Variants in GRIN2B observed in about 807,000 individuals in gnomAD.
GRIN2B encodes the protein glutamate ionotropic receptor NMDA type subunit 2B.
A neutral mutation model predicts 114.5 loss-of-function variants in GRIN2B; 5 were observed. The ratio of observed to expected loss-of-function variants is 0.04; its 90% CI spans 0.02 to 0.09. GRIN2B has a LOEUF of 0.09. Among genes scored for constraint, GRIN2B ranks in the 10% least tolerant of loss-of-function variants. The pLI is 1.00. For synonymous variants in GRIN2B, 787 were observed against 745.1 expected, an observed-to-expected ratio of 1.06 and a Z score of -0.92; for missense variants, 1,108 against 1,943.5, an observed-to-expected ratio of 0.57 and a Z score of 8.08.
At chr12:13,707,087 T>TA (rs113392351) in intron 4 of GRIN2B, among the ~76,000 whole-genome samples, 11,778 of 152,128 alleles carry the variant, frequency 0.077, 485 homozygotes, top group African/African-American at 0.099. Flanking sequence ...GCATGAATGG[T>TA]AAAAAACACA....
intron 4 of GRIN2B, among the ~76,000 whole-genome samples, chr12:13,725,869 C>T (rs1862975841): frequency 6.6e-6 from 1 of 152,070 alleles, no homozygotes; most frequent in Non-Finnish European, 1.5e-5. Context: ...GAGGTGAGCG[C>T]ATGGGGTTAA....
intron 2 of GRIN2B, among the ~76,000 whole-genome samples, chr12:13,915,974 T>C (rs1866711549): frequency 1.3e-5 from 2 of 152,068 alleles, no homozygotes; most frequent in Admixed American, 1.3e-4. Context: ...CTTGGTTCAC[T>C]GTATTTGGGG....
chr12:13,716,839 T>A (rs1950459832), intron 4 of GRIN2B, among the ~76,000 whole-genome samples: 1 of 151,926 alleles, frequency 6.6e-6, no homozygotes, highest in Non-Finnish European at 1.5e-5. Context: ...TCTTTGTGAC[T>A]GAGAAAGTCC....
chr12:13,819,747 C>T (rs567242088), intron 3 of GRIN2B, among the ~76,000 whole-genome samples: 2 of 152,254 alleles, frequency 1.3e-5, no homozygotes, highest in East Asian at 1.9e-4. Context: ...CACATTAGTT[C>T]ATATTTTAAT....
At chr12:13,936,476 G>C (rs772529529) in intron 2 of GRIN2B, among the ~76,000 whole-genome samples, 1 of 152,154 alleles carries the variant, frequency 6.6e-6, no homozygotes, top group Non-Finnish European at 1.5e-5. Flanking sequence ...TACCAAGTTA[G>C]AGGGACTTGG....
At chr12:13,870,760 A>G (rs1348374179) in intron 2 of GRIN2B, among the ~76,000 whole-genome samples, 1 of 152,246 alleles carries the variant, frequency 6.6e-6, no homozygotes, top group African/African-American at 2.4e-5. Flanking sequence ...AGATGCCAGA[A>G]CTATGTATCA....
chr12:13,857,808 T>C (rs1841155916), intron 3 of GRIN2B, among the ~76,000 whole-genome samples: 1 of 152,190 alleles, frequency 6.6e-6, no homozygotes. Flanking sequence ...TGTGACATTG[T>C]TTGGGCTCAT....
chr12:13,726,004 C>T (rs774330534), intron 4 of GRIN2B, among the ~76,000 whole-genome samples: 1 of 152,104 alleles, frequency 6.6e-6, no homozygotes, highest in Non-Finnish European at 1.5e-5. Flanking sequence ...CCTCTGCTTC[C>T]CTACTGAGAT....
intron 4 of GRIN2B, among the ~76,000 whole-genome samples, chr12:13,736,237 G>A (rs538817770): frequency 1.7e-4 from 25 of 150,760 alleles, no homozygotes; most frequent in Admixed American, 1.3e-3. Flanking sequence ...GCATTTCTAG[G>A]TCACCCTTAA....
intron 4 of GRIN2B, among the ~76,000 whole-genome samples, chr12:13,718,422 C>G (rs914375742): frequency 3.3e-5 from 5 of 151,788 alleles, no homozygotes; most frequent in African/African-American, 7.3e-5. Context: ...GGAGGAAGTA[C>G]CAAGGAAAAA....
intron 2 of GRIN2B, among the ~76,000 whole-genome samples, chr12:13,886,316 C>G (rs1376617818): frequency 3.3e-5 from 5 of 152,168 alleles, no homozygotes; most frequent in African/African-American, 1.2e-4. Flanking sequence ...AAAGAAGCAT[C>G]CTATACATCA....
At chr12:13,864,001 GA>G (rs1865786877) in intron 3 of GRIN2B, among the ~76,000 whole-genome samples, 1 of 152,020 alleles carries the variant, frequency 6.6e-6, no homozygotes, top group South Asian at 2.1e-4. Flanking sequence ...AATCATATTT[GA>G]AAAAAAGAAA....
At chr12:13,863,801 GA>G (rs1865784634) in intron 3 of GRIN2B, among the ~76,000 whole-genome samples, 1 of 152,078 alleles carries the variant, frequency 6.6e-6, no homozygotes, top group Admixed American at 6.5e-5. Context: ...TTCTACCAGG[GA>G]GAAATAATAT....
intron 2 of GRIN2B, among the ~76,000 whole-genome samples, chr12:13,962,117 C>CACAG (rs1397886156): frequency 8.6e-5 from 13 of 151,870 alleles, no homozygotes; most frequent in Non-Finnish European, 1.5e-4. Context: ...CACACACACA[C>CACAG]ACACGTGCAC....
chr12:13,769,460 C>T (rs1002788140), intron 3 of GRIN2B, among the ~76,000 whole-genome samples: 8 of 152,126 alleles, frequency 5.3e-5, no homozygotes, highest in African/African-American at 9.7e-5. Context: ...TTCCCAGGCA[C>T]GTCTCTGGAG....
chr12:13,755,419 A>G (rs1164568955), intron 3 of GRIN2B, among the ~76,000 whole-genome samples: 1 of 152,152 alleles, frequency 6.6e-6, no homozygotes, highest in East Asian at 1.9e-4. Context: ...GCTACCCAGA[A>G]TGAAACCCTG....
At chr12:13,589,742 T>G (rs572048107) in intron 10 of GRIN2B, among the ~76,000 whole-genome samples, 7 of 152,206 alleles carry the variant, frequency 4.6e-5, no homozygotes, top group Admixed American at 3.3e-4. Flanking sequence ...CTAGTATGCT[T>G]TAAGAATGAA....
At chr12:13,816,711 TG>T (rs1864829271) in intron 3 of GRIN2B, among the ~76,000 whole-genome samples, 1 of 152,146 alleles carries the variant, frequency 6.6e-6, no homozygotes, top group African/African-American at 2.4e-5. Context: ...GATTAAAGAA[TG>T]TCTTAAGAAA....
In GRIN2B at chr12:13,942,555, A is replaced by G. The variant is rs370054566; in HGVS notation, c.-19+37373T>C. Among the ~76,000 whole-genome samples, 6 of 152,346 alleles carry G rather than the reference A, an allele frequency of 3.9e-5. No individual in the cohort carries two copies. In the East Asian group the frequency reaches 9.6e-4, roughly 24 times the overall value. Reference sequence around the variant, plus strand: ...TAGTTGCTGTACAAATAACATTTTAACAGAAGATACATATGAACAAGTAAA... The same window carrying G: ...TAGTTGCTGTACAAATAACATTTTAGCAGAAGATACATATGAACAAGTAAA... On this transcript the variant is annotated intron_variant, in intron 2 of 13. Coordinates refer to ENST00000609686, the MANE Select transcript of GRIN2B (RefSeq NM_000834.5).
Sources: gnomAD v4.1 joint callset for allele counts (sites outside exome capture counted in the v4.1 genomes callset) on GRCh38, gnomAD v4.1.1 for gene constraint, MANE v1.5 for transcripts, NCBI Gene and HGNC (gene_info 2026-07-23, HGNC 2026-07-21) for gene names.